Variants in EYS observed in about 807,000 individuals in gnomAD.
EYS encodes protein eyes shut homolog.
Under a neutral mutation model 282.1 loss-of-function variants are expected in EYS, and 250 were observed. The ratio of observed to expected loss-of-function variants is 0.89; its 90% CI spans 0.80 to 0.98. The LOEUF (loss-of-function observed/expected upper bound fraction) is 0.98. Among genes scored for constraint, EYS ranks in the 50% least tolerant of loss-of-function variants. The pLI, the probability that EYS is intolerant of heterozygous loss-of-function variation, is 0.00. For synonymous variants in EYS, 1,355 were observed against 1,282.9 expected, an observed-to-expected ratio of 1.06 and a Z score of -1.20; for missense variants, 4,016 against 3,709.0, an observed-to-expected ratio of 1.08 and a Z score of -2.15.
At chr6:64,162,489 CCCTTAGA>C (rs1775138088) in intron 31 of EYS, among the ~76,000 whole-genome samples, 1 of 152,034 alleles carries the variant, frequency 6.6e-6, no homozygotes, top group Admixed American at 6.6e-5. Context: ...TGCCCTTTGT[CCCTTAGA>C]CAGAAGGAAT....
chr6:65,504,842 T>C (rs1437085978), intron 2 of EYS, among the ~76,000 whole-genome samples: 1 of 151,764 alleles, frequency 6.6e-6, no homozygotes, highest in East Asian at 1.9e-4. Flanking sequence ...TGTGTCTATG[T>C]TCATGAGAGT....
At chr6:65,151,829 A>G (rs1323001562) in intron 12 of EYS, among the ~76,000 whole-genome samples, 1 of 151,938 alleles carries the variant, frequency 6.6e-6, no homozygotes, top group Non-Finnish European at 1.5e-5. Flanking sequence ...TAGGAAGTCT[A>G]ATTTTTCAGG....
chr6:64,902,643 A>G (rs1767704050), intron 16 of EYS, 143 bp from the exon 17 acceptor site: 4 of 541,346 alleles, frequency 7.4e-6, no homozygotes, highest in East Asian at 3.4e-5. Flanking sequence ...CTTCTCATAA[A>G]ACTCCATTTC....
chr6:64,758,657 A>G (rs747468434), intron 22 of EYS, among the ~76,000 whole-genome samples: 5 of 152,194 alleles, frequency 3.3e-5, no homozygotes, highest in Non-Finnish European at 7.3e-5. Context: ...AGTGAGAAAA[A>G]GTCAGTACAC....
At chr6:64,131,224 A>G (rs756456281) in intron 31 of EYS, among the ~76,000 whole-genome samples, 1 of 152,150 alleles carries the variant, frequency 6.6e-6, no homozygotes, top group Non-Finnish European at 1.5e-5. Context: ...GAGGGGAGTG[A>G]CGTGGTATGA....
chr6:65,180,768 A>AG, intron 12 of EYS, among the ~76,000 whole-genome samples: 1 of 152,196 alleles, frequency 6.6e-6, no homozygotes, highest in East Asian at 1.9e-4. Context: ...AAGCCAAAAG[A>AG]ACAAAGCTGG....
At chr6:64,781,655 C>T (rs1046834843) in intron 22 of EYS, among the ~76,000 whole-genome samples, 1 of 151,812 alleles carries the variant, frequency 6.6e-6, no homozygotes, top group African/African-American at 2.4e-5. Flanking sequence ...TAACCCTCAG[C>T]CCTTGGGCGT....
At chr6:65,681,925 G>A (rs1251150943) in intron 1 of EYS, among the ~76,000 whole-genome samples, 1 of 151,918 alleles carries the variant, frequency 6.6e-6, no homozygotes, top group Non-Finnish European at 1.5e-5. Flanking sequence ...CTGTGAGAGA[G>A]TAGGACTCTG....
At chr6:64,036,236 A>T (rs1429859388) in intron 33 of EYS, among the ~76,000 whole-genome samples, 1 of 152,198 alleles carries the variant, frequency 6.6e-6, no homozygotes, top group Non-Finnish European at 1.5e-5. Context: ...TATAATAGAA[A>T]AAAAAAGATG....
At chr6:65,332,519 C>T in intron 11 of EYS, 1 of 1,004,384 alleles carries the variant, frequency 1.0e-6, no homozygotes, top group Non-Finnish European at 1.5e-6. Flanking sequence ...ATACAATTTT[C>T]TCATTTTCAT....
rs552134972 is a variant in EYS, at chr6:65,413,896, T to C, written c.863-8529A>G. ...AATGTGAACACCAACTTCCCACATC[T>C]TGTTGTATTTACATTTTTCAGTTCA... is the stretch of plus-strand genomic sequence containing the variant. On this transcript the variant is annotated intron_variant, in intron 5 of 42. Transcript: ENST00000503581. Among the ~76,000 whole-genome samples, 4 of 152,050 alleles carry C rather than the reference T, an allele frequency of 2.6e-5. No individual in the cohort carries two copies. In the South Asian group the frequency reaches 6.2e-4, roughly 24 times the overall value.
chr6:64,792,038 G>T (rs572389722), intron 22 of EYS, among the ~76,000 whole-genome samples: 1 of 151,838 alleles, frequency 6.6e-6, no homozygotes, highest in African/African-American at 2.4e-5. Flanking sequence ...CCTAGTGCAG[G>T]TTCTGTTGAG....
chr6:64,494,947 G>A (rs556425619), intron 26 of EYS, among the ~76,000 whole-genome samples: 1 of 151,516 alleles, frequency 6.6e-6, no homozygotes, highest in Non-Finnish European at 1.5e-5. Flanking sequence ...CACCACTATT[G>A]ATTATTATAA....
At chr6:64,640,181 A>C (rs1050868483) in intron 22 of EYS, among the ~76,000 whole-genome samples, 9 of 147,482 alleles carry the variant, frequency 6.1e-5, no homozygotes, top group East Asian at 6.0e-4. Flanking sequence ...GGGATCTAGA[A>C]CTGGAAATAC....
At chr6:65,129,781 A>G (rs1470304774) in intron 12 of EYS, among the ~76,000 whole-genome samples, 1 of 151,950 alleles carries the variant, frequency 6.6e-6, no homozygotes, top group African/African-American at 2.4e-5. Context: ...TTGAACTAAC[A>G]TTTGACCCAA....
At chr6:65,074,142 C>A (rs1304743258) in intron 12 of EYS, among the ~76,000 whole-genome samples, 4 of 151,934 alleles carry the variant, frequency 2.6e-5, no homozygotes, top group Non-Finnish European at 5.9e-5. Context: ...GAAAATAAAA[C>A]GGAATTGTTT....
intron 12 of EYS, among the ~76,000 whole-genome samples, chr6:65,275,213 C>G (rs1394115586): frequency 6.6e-6 from 1 of 152,146 alleles, no homozygotes; most frequent in Non-Finnish European, 1.5e-5. Context: ...GGAACAAAAT[C>G]TTGCCATCCG....
At chr6:64,192,320 G>A (rs1413774446) in intron 31 of EYS, among the ~76,000 whole-genome samples, 2 of 152,124 alleles carry the variant, frequency 1.3e-5, no homozygotes, top group African/African-American at 4.8e-5. Context: ...CTGTGAAGAA[G>A]CTCTTTAGTT....
At chr6:65,458,482 TACCTAAAAACAGCATAATTTATGCTG>T (rs1356956704) in intron 5 of EYS, among the ~76,000 whole-genome samples, 2 of 152,116 alleles carry the variant, frequency 1.3e-5, no homozygotes, top group African/African-American at 4.8e-5. Flanking sequence ...AAAACATTAA[TACCTAAAAACAGCATAATTTATGCTG>T]ACTCAAATAA....
Sources: gnomAD v4.1 joint callset for allele counts (sites outside exome capture counted in the v4.1 genomes callset) on GRCh38, gnomAD v4.1.1 for gene constraint, MANE v1.5 for transcripts, NCBI Gene and HGNC (gene_info 2026-07-23, HGNC 2026-07-21) for gene names.